Variants in COL5A1 observed in about 807,000 individuals in gnomAD.
COL5A1 encodes the protein collagen alpha-1(V) chain.
A neutral mutation model predicts 263.7 loss-of-function variants in COL5A1; 16 were observed. That is an observed-to-expected ratio of 0.06 (90% CI 0.04 to 0.09). The LOEUF (loss-of-function observed/expected upper bound fraction) is 0.09. Ranked by LOEUF, COL5A1 falls within the 10% of genes least tolerant of loss-of-function variation. The pLI, the probability that COL5A1 is intolerant of heterozygous loss-of-function variation, is 1.00. For missense variants in COL5A1, 2,036 were observed against 2,540.5 expected (o/e 0.80, Z 4.27); for synonymous variants, 1,012 against 1,004.5 (o/e 1.01, Z -0.14).
rs1191398432 is a variant in COL5A1 at position 134,652,196 on chromosome 9, T to C, written c.109+9900T>C. ...TTATTATTCATGCTATTTAGGGTCA[T>C]AGGTCTCAGTAATGGTCGACTAGGT... On this transcript the variant is annotated intron_variant, in intron 1 of 65. Transcript: ENST00000371817. The surrounding 1 kb of genome is among the most constrained non-coding windows in gnomAD (Gnocchi z 4.4). Among the ~76,000 whole-genome samples, 1 of 152,200 alleles carries C rather than the reference T, an allele frequency of 6.6e-6. No homozygotes were observed. The highest frequency in any genetic ancestry group is 2.4e-5 in the African/African-American group (1 of 41,450).
At chr9:134,819,981 T>C in intron 57 of COL5A1, 135 bp from the exon 58 acceptor site, 1 of 773,492 alleles carries the variant, frequency 1.3e-6, no homozygotes, top group Non-Finnish European at 2.3e-6. Flanking sequence ...TTGAGCCTGT[T>C]CCCCTTCCAG....
rs1215893406 is a variant in COL5A1 at position 134,665,417 on chromosome 9, T to TA, written c.109+23122dup. Reference sequence around the variant, plus strand: ...TGCTGAGGTACACCAATCTCCAAGATATGTTAAGTAAAGCAAAGCAGAATG... The same window carrying TA: ...TGCTGAGGTACACCAATCTCCAAGATAATGTTAAGTAAAGCAAAGCAGAATG... On this transcript the variant is annotated intron_variant, in intron 1 of 65. Transcript: ENST00000371817. Among the ~76,000 whole-genome samples, 6 of 152,284 alleles carry TA rather than the reference T, an allele frequency of 3.9e-5. No homozygotes were observed. The East Asian group carries it at 1.2e-3, about 29-fold the overall frequency.
rs144948059 is a variant in COL5A1 at position 134,666,459 on chromosome 9, G to A, written c.109+24163G>A. ...AAAGGAGAATTCTCTTCTTGGGGAG[G>A]CTCTGGGCCTTGGGTGTCAGTGGGC... On this transcript the variant is annotated intron_variant, in intron 1 of 65. Coordinates refer to ENST00000371817, the MANE Select transcript of COL5A1 (RefSeq NM_000093.5). 3.2e-3 allele frequency among the ~76,000 whole-genome samples: 493 copies of A among 152,340 alleles called. 1 individual carries two copies. The highest frequency in any genetic ancestry group is 5.6e-3 in the Non-Finnish European group (379 of 68,018).
intron 26 of COL5A1, among the ~76,000 whole-genome samples, chr9:134,773,091 C>CCCATGACCGGATCGGGTGA (rs1261941270): frequency 6.6e-6 from 1 of 152,352 alleles, no homozygotes; most frequent in African/African-American, 2.4e-5. Context: ...GGATCGGGTG[C>CCCATGACCGGATCGGGTGA]CCATGACCAG....
chr9:134,822,201 G>T lies in COL5A1; in HGVS notation c.4608+51G>T. 2.2e-6 allele frequency: 3 copies of T among 1,371,108 alleles called. No homozygotes were observed. In the South Asian group the frequency reaches 3.5e-5, roughly 16 times the overall value. The allele number at this position is 1,371,108 out of a possible 1,614,324, so 84.9% of individuals were successfully genotyped here. A position where few individuals can be genotyped will look rare whatever the true frequency, so the allele number is the denominator to read the frequency against. ...ATTCCTGGGAGGGCAGGGAGGGTGG[G>T]GATAAGCCTTGGGGCCTCAGTGTGG... On this transcript the variant is annotated intron_variant, in intron 59 of 65. Coordinates refer to ENST00000371817, the MANE Select transcript of COL5A1 (RefSeq NM_000093.5).
intron 41 of COL5A1, among the ~76,000 whole-genome samples, chr9:134,805,615 G>T (rs1838267982): frequency 6.6e-6 from 1 of 152,190 alleles, no homozygotes; most frequent in Non-Finnish European, 1.5e-5. Flanking sequence ...GCTGCCCACG[G>T]CGGGGGCCCA....
intron 1 of COL5A1, among the ~76,000 whole-genome samples, chr9:134,685,866 G>A (rs566636374): frequency 1.2e-4 from 14 of 120,192 alleles, no homozygotes; most frequent in South Asian, 8.3e-4. Flanking sequence ...TCCATCCATC[G>A]TCCATCATCC....
Position 134,742,001 on chromosome 9 carries a change from C to T in COL5A1, c.1494+3193C>T, listed in dbSNP as rs946147292. ...CTCCCTGTGGGCAGCCGTGGGCAGC[C>T]GTGGCAATTGGCTGGGAGCCGTCTG... On this transcript the variant is annotated intron_variant, in intron 11 of 65. Coordinates refer to ENST00000371817, the MANE Select transcript of COL5A1 (RefSeq NM_000093.5). The surrounding 1 kb of genome is among the most constrained non-coding windows in gnomAD (Gnocchi z 4.6). 5.3e-5 allele frequency among the ~76,000 whole-genome samples: 8 copies of T among 152,152 alleles called. No individual in the cohort carries two copies. Among genetic ancestry groups the T allele is most frequent in the South Asian group, 2.1e-4 (1 of 4,832 alleles).
chr9:134,701,979 C>T (rs949337970), intron 4 of COL5A1, among the ~76,000 whole-genome samples: 7 of 152,342 alleles, frequency 4.6e-5, no homozygotes, highest in African/African-American at 1.7e-4. Context: ...TGCCAAGAAA[C>T]AGGTTGAGAG....
intron 1 of COL5A1, among the ~76,000 whole-genome samples, chr9:134,668,405 C>G (rs1832421405): frequency 6.6e-6 from 1 of 152,176 alleles, no homozygotes; most frequent in Non-Finnish European, 1.5e-5. Context: ...CGCCTGATCA[C>G]TGTGTGATCT....
At chr9:134,760,400 C>G (rs1215524159) in intron 18 of COL5A1, among the ~76,000 whole-genome samples, 3 of 99,912 alleles carry the variant, frequency 3.0e-5, no homozygotes, top group African/African-American at 5.7e-5. Flanking sequence ...CCCCACACCC[C>G]CACACTCATA....
At chr9:134,703,370 A>T (rs1421803353) in intron 4 of COL5A1, among the ~76,000 whole-genome samples, 1 of 152,254 alleles carries the variant, frequency 6.6e-6, no homozygotes, top group Non-Finnish European at 1.5e-5. Flanking sequence ...TGGGGTTAAA[A>T]GCTGCCTTGG....
chr9:134,805,907 A>G (rs982384746), intron 41 of COL5A1, among the ~76,000 whole-genome samples: 11 of 151,970 alleles, frequency 7.2e-5, no homozygotes, highest in African/African-American at 2.4e-4. Context: ...CCTCAAGGGG[A>G]GGGGGTGCCA....
rs942448345 is a variant in COL5A1, at chr9:134,716,453, A to G, written c.655-10813A>G. 1.5e-5 allele frequency among the ~76,000 whole-genome samples: 2 copies of G among 137,804 alleles called. No homozygotes were observed. Among genetic ancestry groups the G allele is most frequent in the Admixed American group, 1.4e-4 (2 of 14,768 alleles). 90.4% of individuals were successfully genotyped at this position (137,804 alleles called of 152,430 possible). On this transcript the variant is annotated intron_variant, in intron 4 of 65. Transcript: ENST00000371817. This position sits in a 1 kb window ranked among gnomAD's most constrained non-coding sequence, Gnocchi z 4.5. The stretch of plus-strand genomic sequence containing the variant: ...CAGTGTCTGCAGGCCCGCTGCTCCG[A>G]AAGTCAAGATGTGGAGAAGGAGCAG...
rs2132841141 is a variant in COL5A1, at chr9:134,810,289, A to G, written c.3509A>G (p.Lys1170Arg). The G allele has an allele frequency of 6.2e-6, 10 of 1,614,158 alleles. No homozygotes were observed. The highest frequency in any genetic ancestry group is 3.3e-4 in the Middle Eastern group (2 of 6,058). Residue 1170 changes from lysine to arginine, a missense_variant, in exon 44 of 66, where the codon AAG (lysine) becomes AGG (arginine). Around this residue, in one of 3 missense-constraint regions of COL5A1, gnomAD observed 1,078 missense variants for 1,521.4 expected, o/e 0.71. Coordinates refer to ENST00000371817, the MANE Select transcript of COL5A1 (RefSeq NM_000093.5). ...GGGGAGCCGGGGCAGAAAGGAAGCA[A>G]GGGGGACAAAGGAGAACAGGTAAGT... Reference protein sequence around the residue: ...EIGEPGQKGSKGDKGEQGPPG... With the variant: ...EIGEPGQKGSRGDKGEQGPPG...
Position 134,642,178 on chromosome 9 carries a change from C to T in COL5A1, c.-10C>T. On this transcript the variant is annotated 5_prime_UTR_variant, in exon 1 of 66. Transcript: ENST00000371817. This position sits in a 1 kb window ranked among gnomAD's most constrained non-coding sequence, Gnocchi z 4.5. The stretch of plus-strand genomic sequence containing the variant: ...GCGCCCCTGTGCGCCCCGGCCCGCG[C>T]CCCGCCGGCATGGACGTCCATACCC... 8.0e-7 allele frequency: 1 copy of T among 1,257,638 alleles called. No homozygotes were observed. Among genetic ancestry groups the T allele is most frequent in the African/African-American group, 1.6e-5 (1 of 64,234 alleles). 77.9% of individuals were successfully genotyped at this position (1,257,638 alleles called of 1,614,324 possible). A position where few individuals can be genotyped will look rare whatever the true frequency, so the allele number is the denominator to read the frequency against.
chr9:134,834,857 G>A (rs1839788258), intron 64 of COL5A1, 114 bp from the exon 65 acceptor site: 1 of 776,940 alleles, frequency 1.3e-6, no homozygotes, highest in Non-Finnish European at 2.2e-6. Flanking sequence ...GCGTTTCCAG[G>A]TAGTTCCCCC....
chr9:134,795,392 GTGT>G, intron 34 of COL5A1, 77 bp downstream of exon 34: 1 of 1,279,570 alleles, frequency 7.8e-7, no homozygotes, highest in Non-Finnish European at 1.1e-6. Flanking sequence ...GCGTCTGAGG[GTGT>G]CTGTGACCTT....
In COL5A1 at chr9:134,757,879, C is replaced by T. The variant is rs576764091; in HGVS notation, c.1882-364C>T. ...TGGATACAGCTGTGAGCGGACACAC[C>T]GGGACCCTGCTCTCCTGGAGCCTCC... On this transcript the variant is annotated intron_variant, in intron 17 of 65. Coordinates refer to ENST00000371817, the MANE Select transcript of COL5A1 (RefSeq NM_000093.5). This position sits in a 1 kb window ranked among gnomAD's most constrained non-coding sequence, Gnocchi z 6.2. Among the ~76,000 whole-genome samples the T allele has an allele frequency of 3.9e-5, 6 of 152,258 alleles. No individual in the cohort carries two copies. The South Asian group carries it at 6.2e-4, about 16-fold the overall frequency.
Sources: gnomAD v4.1 joint callset for allele counts (sites outside exome capture counted in the v4.1 genomes callset) on GRCh38, gnomAD v4.1.1 for gene constraint, gnomAD v4.1.1 regional missense constraint, Gnocchi (gnomAD v3.1) non-coding constraint, MANE v1.5 for transcripts, NCBI Gene and HGNC (gene_info 2026-07-23, HGNC 2026-07-21) for gene names.